DHTKD1: variants seen among roughly 807,000 people sequenced by gnomAD.
The protein encoded by DHTKD1 is 2-oxoadipate dehydrogenase complex component E1.
A neutral mutation model predicts 101.8 loss-of-function variants in DHTKD1; 78 were observed. That is an observed-to-expected ratio of 0.77 (90% CI 0.64 to 0.93). The LOEUF is 0.93. DHTKD1 is among the 40% of genes least tolerant of loss of function. The pLI is 0.00. For synonymous variants in DHTKD1, 462 were observed against 450.3 expected (o/e 1.03, Z -0.33); for missense variants, 1,223 against 1,161.7 (o/e 1.05, Z -0.77).
rs1197692784 is a variant in DHTKD1, at chr10:12,087,538, T to C, written c.526T>C (p.Phe176Leu). Residue 176 changes from phenylalanine (F) to leucine (L), a missense_variant, in exon 4 of 17, where the codon TTT becomes CTT. Transcript: ENST00000263035. This position sits in a 1 kb window ranked among gnomAD's most constrained non-coding sequence, Gnocchi z 5.2. ...LSKLMLESQE[F>L]DHFLATKFST... is the part of the protein sequence containing the mutation. ...CGTCTGACATGATGTTCTGCAGGAGTTTGACCACTTTCTGGCCACCAAGTT... is the reference window on the plus strand; with the variant it reads ...CGTCTGACATGATGTTCTGCAGGAGCTTGACCACTTTCTGGCCACCAAGTT... The C allele has an allele frequency of 6.3e-7, 1 of 1,593,454 alleles. No homozygotes were observed. Among genetic ancestry groups the C allele is most frequent in the African/African-American group, 1.3e-5 (1 of 74,382 alleles).
chr10:12,101,794 A>G (rs1833174978), intron 10 of DHTKD1, among the ~76,000 whole-genome samples: 1 of 151,882 alleles, frequency 6.6e-6, no homozygotes, highest in South Asian at 2.1e-4. Flanking sequence ...AGTAGATGGA[A>G]TTTCACCATG....
At chr10:12,091,837 C>A (rs1832995238) in intron 6 of DHTKD1, among the ~76,000 whole-genome samples, 153 bp downstream of exon 6, 1 of 151,922 alleles carries the variant, frequency 6.6e-6, no homozygotes, top group Admixed American at 6.6e-5. Flanking sequence ...TGGAGTCTTG[C>A]TCTGTCACCC....
intron 5 of DHTKD1, among the ~76,000 whole-genome samples, chr10:12,089,751 A>G (rs932287902): frequency 1.3e-5 from 2 of 152,032 alleles, no homozygotes; most frequent in African/African-American, 4.8e-5. Context: ...GCTCACTGCA[A>G]CCTCTGCCTC....
At chr10:12,083,949 G>A (rs969367045) in intron 2 of DHTKD1, among the ~76,000 whole-genome samples, 8 of 151,704 alleles carry the variant, frequency 5.3e-5, no homozygotes, top group African/African-American at 1.9e-4. Context: ...TTGGGACAGA[G>A]CCTTGCTCTG....
chr10:12,084,202 G>A (rs1378356138), intron 2 of DHTKD1, among the ~76,000 whole-genome samples: 17 of 152,188 alleles, frequency 1.1e-4, no homozygotes, highest in Non-Finnish European at 1.6e-4. Context: ...GATTACAGGC[G>A]TGAGCCACGG....
intron 7 of DHTKD1, among the ~76,000 whole-genome samples, chr10:12,094,615 G>T (rs1833041570): frequency 6.6e-6 from 1 of 152,154 alleles, no homozygotes; most frequent in Admixed American, 6.6e-5. Flanking sequence ...GGGATTACAG[G>T]CATGAGCCAC....
chr10:12,100,045 C>A, intron 8 of DHTKD1, 133 bp from the exon 9 acceptor site: 1 of 527,930 alleles, frequency 1.9e-6, no homozygotes, highest in Non-Finnish European at 3.4e-6. Context: ...ATCCACCCGC[C>A]TGGGCCTCCC....
At chr10:12,072,296 A>T (rs12263793) in intron 1 of DHTKD1, among the ~76,000 whole-genome samples, 1 of 152,020 alleles carries the variant, frequency 6.6e-6, no homozygotes, top group Admixed American at 6.6e-5. Context: ...GTGAAACCCC[A>T]TCTCTACTAA....
At position 12,098,198 on chromosome 10, in the gene DHTKD1, GTATT is replaced by G. The variant is rs1196547296; in HGVS notation, c.1671+214_1671+217del. On this transcript the variant is annotated intron_variant, in intron 8 of 16. Transcript: ENST00000263035. ...TTCTCTTCTTTTCTTTTTCCTCCAT[GTATT>G]TATTTATTTATGCATGTTCATACAT... Among the ~76,000 whole-genome samples, 6 of 152,026 alleles carry G rather than the reference GTATT, an allele frequency of 3.9e-5. No individual in the cohort carries two copies. The East Asian group carries it at 7.7e-4, about 19-fold the overall frequency.
At position 12,119,552 on chromosome 10, in the gene DHTKD1, C is replaced by G. The variant is rs1445107443; in HGVS notation, c.2573-630C>G. ...AATGGCGTGAACCCGGGAGGCGGAG[C>G]TTGCAGTGAGCCGAGATTGCGCTAC... On this transcript the variant is annotated intron_variant, in intron 15 of 16. Coordinates refer to ENST00000263035, the MANE Select transcript of DHTKD1 (RefSeq NM_018706.7). Among the ~76,000 whole-genome samples the G allele has an allele frequency of 5.7e-5, 8 of 140,234 alleles. No homozygotes were observed. In the East Asian group the frequency reaches 1.3e-3, roughly 22 times the overall value. 92.0% of individuals were successfully genotyped at this position (140,234 alleles called of 152,430 possible).
At chr10:12,119,558 G>A (rs1833487924) in intron 15 of DHTKD1, among the ~76,000 whole-genome samples, 1 of 148,664 alleles carries the variant, frequency 6.7e-6, no homozygotes, top group Non-Finnish European at 1.5e-5. Flanking sequence ...GGAGCTTGCA[G>A]TGAGCCGAGA....
At chr10:12,120,747 G>C in intron 16 of DHTKD1, 40 bp from the exon 17 acceptor site, 1 of 1,560,602 alleles carries the variant, frequency 6.4e-7, no homozygotes. Flanking sequence ...CTCTGATCTA[G>C]TCAAAATGTC....
intron 1 of DHTKD1, among the ~76,000 whole-genome samples, chr10:12,076,677 G>C (rs954764113): frequency 1.3e-5 from 2 of 151,378 alleles, no homozygotes; most frequent in African/African-American, 2.4e-5. Context: ...TTTTTTTCTC[G>C]GGACGGAGTT....
intron 13 of DHTKD1, among the ~76,000 whole-genome samples, chr10:12,115,382 C>T (rs1021846685): frequency 6.6e-6 from 1 of 152,194 alleles, no homozygotes; most frequent in African/African-American, 2.4e-5. Context: ...TAGGTGTGAG[C>T]CACTATGCCT....
At chr10:12,105,847 C>A (rs1833238151) in intron 10 of DHTKD1, among the ~76,000 whole-genome samples, 1 of 152,158 alleles carries the variant, frequency 6.6e-6, no homozygotes, top group Non-Finnish European at 1.5e-5. Flanking sequence ...GTAACCCCAG[C>A]ACTTTGGGGG....
chr10:12,107,960 G>T lies in DHTKD1; in HGVS notation c.2099G>T (p.Gly700Val). 1 of 1,614,018 alleles carries T rather than the reference G, an allele frequency of 6.2e-7. No individual in the cohort carries two copies. Among genetic ancestry groups the T allele is most frequent in the Non-Finnish European group, 8.5e-7 (1 of 1,179,962 alleles). Residue 700 changes from glycine (G) to valine (V), a missense_variant, in exon 12 of 17, where the codon GGC becomes GTC. Transcript: ENST00000263035. This position sits in a 1 kb window ranked among gnomAD's most constrained non-coding sequence, Gnocchi z 4.1. ...QSGIVILLPH[G>V]YDGAGPDHSS... ...GGCATCGTCATCCTCCTTCCACATG[G>T]CTACGATGGGGCTGGGCCAGACCAC...
intron 12 of DHTKD1, among the ~76,000 whole-genome samples, chr10:12,109,047 G>A (rs1464298710): frequency 6.6e-6 from 1 of 152,058 alleles, no homozygotes; most frequent in Non-Finnish European, 1.5e-5. Context: ...AGCTACTCGG[G>A]AGCCTGAGGC....
intron 10 of DHTKD1, among the ~76,000 whole-genome samples, chr10:12,101,770 A>AT (rs1215522101): frequency 6.6e-6 from 1 of 151,874 alleles, no homozygotes; most frequent in East Asian, 1.9e-4. Context: ...TTCCTGGCTA[A>AT]TTTTTTTATT....
intron 6 of DHTKD1, among the ~76,000 whole-genome samples, chr10:12,092,442 A>C (rs1325954217): frequency 6.6e-6 from 1 of 152,166 alleles, no homozygotes. Context: ...TCAAACTTGG[A>C]GTGCCCAGGG....
Sources: allele counts gnomAD v4.1 joint callset (sites outside exome capture counted in the v4.1 genomes callset), GRCh38; gene constraint gnomAD v4.1.1; non-coding constraint Gnocchi (gnomAD v3.1); transcripts MANE v1.5; gene names NCBI Gene and HGNC (gene_info 2026-07-23, HGNC 2026-07-21).